The following TFPI variants were observed in gnomAD, a reference collection of about 807,000 sequenced individuals.
TFPI encodes tissue factor pathway inhibitor, also known as anti-convertin.
TFPI carries 15 observed loss-of-function variants against 34.6 expected under a neutral mutation model. The ratio of observed to expected loss-of-function variants is 0.43; its 90% CI spans 0.29 to 0.67. TFPI has a LOEUF of 0.67. TFPI is among the 30% of genes least tolerant of loss of function. TFPI has a pLI of 0.15. For missense variants in TFPI, 301 were observed against 364.0 expected, an observed-to-expected ratio of 0.83 and a Z score of 1.41; for synonymous variants, 105 against 120.1, an observed-to-expected ratio of 0.87 and a Z score of 0.82.
At chr2:187,478,307 C>T (rs1559100490) in intron 6 of TFPI, among the ~76,000 whole-genome samples, 1 of 152,088 alleles carries the variant, frequency 6.6e-6, no homozygotes, top group East Asian at 1.9e-4. Flanking sequence ...TTGCAGTGAG[C>T]CGAGATCGCG....
chr2:187,492,958 C>A (rs765493954), intron 3 of TFPI, among the ~76,000 whole-genome samples: 3 of 152,084 alleles, frequency 2.0e-5, no homozygotes, highest in Non-Finnish European at 4.4e-5. Flanking sequence ...GTGCATGGTG[C>A]AAGCTGTCAA....
intron 1 of TFPI, among the ~76,000 whole-genome samples, chr2:187,531,595 C>G (rs940609085): frequency 2.6e-5 from 4 of 151,916 alleles, no homozygotes; most frequent in African/African-American, 9.7e-5. Flanking sequence ...TTTATATGAT[C>G]ATGATAATCG....
intron 1 of TFPI, among the ~76,000 whole-genome samples, chr2:187,544,316 G>A (rs6434221): frequency 0.88 from 133,641 of 152,136 alleles, 58,945 homozygotes; most frequent in Middle Eastern, 0.96. Flanking sequence ...TGAAATTTTG[G>A]GATTATAATT....
At chr2:187,549,228 T>C (rs1308348178) in intron 1 of TFPI, among the ~76,000 whole-genome samples, 1 of 152,090 alleles carries the variant, frequency 6.6e-6, no homozygotes, top group Non-Finnish European at 1.5e-5. Context: ...CCTCAAGTGG[T>C]GTAAAAAAAT....
intron 4 of TFPI, among the ~76,000 whole-genome samples, chr2:187,486,489 C>CA (rs2106023975): frequency 6.6e-6 from 1 of 151,210 alleles, no homozygotes; most frequent in South Asian, 2.1e-4. Context: ...TATGTACCCA[C>CA]AAAAATTAAA....
intron 6 of TFPI, among the ~76,000 whole-genome samples, chr2:187,470,528 T>C (rs1443032759): frequency 6.6e-6 from 1 of 152,166 alleles, no homozygotes; most frequent in Non-Finnish European, 1.5e-5. Context: ...CTAGAACCAT[T>C]TGGGCCTTTC....
intron 1 of TFPI, among the ~76,000 whole-genome samples, chr2:187,543,509 G>T (rs1024203131): frequency 6.6e-6 from 1 of 152,190 alleles, no homozygotes; most frequent in African/African-American, 2.4e-5. Flanking sequence ...ATGAGATTAT[G>T]AATTCATTTT....
chr2:187,503,757 T>C lies in TFPI; in HGVS notation c.12A>G (p.Thr4=). 6.2e-7 allele frequency: 1 copy of C among 1,612,680 alleles called. No homozygotes were observed. Among genetic ancestry groups the C allele is most frequent in the African/African-American group, 1.3e-5 (1 of 74,980 alleles). ...CCCAAAGTGCATGTACTTTCTTCATTGTGTAAATCATCTCTGAAATACAGA... is the reference window on the plus strand; with the variant it reads ...CCCAAAGTGCATGTACTTTCTTCATCGTGTAAATCATCTCTGAAATACAGA... MIY[T]MKKVHALWAS... The change falls in exon 2 of 8, where the codon ACA becomes ACG. Residue 4 remains threonine (T), a synonymous_variant. Transcript: ENST00000233156.
chr2:187,497,063 G>T lies in TFPI; in HGVS notation c.137C>A (p.Pro46Gln), dbSNP rs764297723. Reference sequence around the variant, plus strand: ...ACAAAATGAATGCATAAGTTTCAGTGGTGGCAACTCCGTATCTATAAAGTA... The same window carrying T: ...ACAAAATGAATGCATAAGTTTCAGTTGTGGCAACTCCGTATCTATAAAGTA... Reference protein sequence around the residue: ...HTIITDTELPPLKLMHSFCAF... With the variant: ...HTIITDTELPQLKLMHSFCAF... The change falls in exon 3 of 8, where the codon CCA becomes CAA. Residue 46 changes from proline to glutamine, a missense_variant. By Grantham distance (76) the Pro-to-Gln change is moderately conservative. Coordinates refer to ENST00000233156, the MANE Select transcript of TFPI (RefSeq NM_006287.6). 2 of 1,612,524 alleles carry T rather than the reference G, an allele frequency of 1.2e-6. No individual in the cohort carries two copies. The highest frequency in any genetic ancestry group is 2.2e-5 in the South Asian group (2 of 91,016).
At chr2:187,480,714 C>G (rs984939727) in intron 6 of TFPI, among the ~76,000 whole-genome samples, 1 of 152,076 alleles carries the variant, frequency 6.6e-6, no homozygotes, top group African/African-American at 2.4e-5. Context: ...CATGGATATA[C>G]TCAACACAGC....
chr2:187,550,575 A>T (rs895113383), intron 1 of TFPI, among the ~76,000 whole-genome samples: 1 of 152,174 alleles, frequency 6.6e-6, no homozygotes, highest in East Asian at 1.9e-4. Flanking sequence ...ATTACTAGGG[A>T]TGCAAAGAAC....
At chr2:187,526,688 T>C (rs369228609) in intron 1 of TFPI, 2 of 152,314 alleles carry the variant, frequency 1.3e-5, no homozygotes, top group East Asian at 3.9e-4. Flanking sequence ...GCATGGTACT[T>C]ATCTAAAGTT....
chr2:187,484,334 T>A, intron 5 of TFPI, 118 bp from the exon 6 acceptor site: 1 of 724,302 alleles, frequency 1.4e-6, no homozygotes, highest in South Asian at 1.9e-5. Context: ...CACATTGCTA[T>A]GTTAAATTAG....
chr2:187,513,412 A>C (rs1163421467), intron 1 of TFPI, among the ~76,000 whole-genome samples: 2 of 152,338 alleles, frequency 1.3e-5, no homozygotes, highest in East Asian at 3.9e-4. Flanking sequence ...ATAACACACT[A>C]ATATAAAGGT....
rs548773905 is a variant in TFPI at position 187,509,543 on chromosome 2, A to T, written c.-2-5773T>A. On this transcript the variant is annotated intron_variant, in intron 1 of 7. Coordinates refer to ENST00000233156, the MANE Select transcript of TFPI (RefSeq NM_006287.6). ...TAGACTTGGGAGGGTGTATATGTCCAGGAACTTATCCATTTCTTCTAAATT... is the reference window on the plus strand; with the variant it reads ...TAGACTTGGGAGGGTGTATATGTCCTGGAACTTATCCATTTCTTCTAAATT... Among the ~76,000 whole-genome samples the T allele has an allele frequency of 1.2e-4, 19 of 152,326 alleles. No homozygotes were observed. In the South Asian group the frequency reaches 3.9e-3, roughly 32 times the overall value.
At chr2:187,522,934 T>A (rs904819682) in intron 1 of TFPI, among the ~76,000 whole-genome samples, 12 of 143,516 alleles carry the variant, frequency 8.4e-5, no homozygotes, top group Non-Finnish European at 1.5e-4. Context: ...AAATAAATAA[T>A]AAAAAACAGA....
chr2:187,480,908 T>A (rs1692806936), intron 6 of TFPI, among the ~76,000 whole-genome samples: 1 of 152,030 alleles, frequency 6.6e-6, no homozygotes, highest in Non-Finnish European at 1.5e-5. Context: ...GTATCTCGAA[T>A]CAAGAAAGCT....
intron 1 of TFPI, among the ~76,000 whole-genome samples, chr2:187,504,770 T>A (rs1185998381): frequency 1.3e-5 from 2 of 151,884 alleles, no homozygotes; most frequent in African/African-American, 4.8e-5. Context: ...CAGCAAACAT[T>A]CACAAATGCA....
chr2:187,487,685 G>A (rs1389558785), intron 4 of TFPI, among the ~76,000 whole-genome samples: 1 of 142,680 alleles, frequency 7.0e-6, no homozygotes, highest in African/African-American at 2.7e-5. Flanking sequence ...TTTTTCTTGT[G>A]CTGATATATT....
Sources: allele counts gnomAD v4.1 joint callset (sites outside exome capture counted in the v4.1 genomes callset), GRCh38; gene constraint gnomAD v4.1.1; transcripts MANE v1.5; gene names NCBI Gene and HGNC (gene_info 2026-07-23, HGNC 2026-07-21).